The following ATP6V0E1 variants were observed in gnomAD, a reference collection of about 807,000 sequenced individuals.
ATP6V0E1 encodes ATPase H+ transporting V0 subunit e1.
A neutral mutation model predicts 11.6 loss-of-function variants in ATP6V0E1; 4 were observed. The ratio of observed to expected loss-of-function variants is 0.35; its 90% confidence interval spans 0.17 to 0.79. The LOEUF is 0.79. ATP6V0E1 is among the 30% of genes least tolerant of loss of function. The pLI is 0.54. For synonymous variants in ATP6V0E1, 36 were observed against 34.8 expected, an observed-to-expected ratio of 1.04 and a Z score of -0.13; for missense variants, 105 against 100.0, an observed-to-expected ratio of 1.05 and a Z score of -0.21.
At chr5:173,017,978 T>C (rs1756429523) in intron 2 of ATP6V0E1, among the ~76,000 whole-genome samples, 1 of 152,150 alleles carries the variant, frequency 6.6e-6, no homozygotes, top group Non-Finnish European at 1.5e-5. Context: ...CTTGTTTACC[T>C]TAACCCTGCC....
rs774700845 is a variant in ATP6V0E1, at chr5:173,016,138, G to C, written c.153-4100G>C. ...AGCCTCCCCGATTTATAGCCAGTTG[G>C]TCAGAAGCACAGGTAGAACAACCTG... On this transcript the variant is annotated intron_variant, in intron 2 of 3. Coordinates refer to ENST00000519374, the MANE Select transcript of ATP6V0E1 (RefSeq NM_003945.4). 2.9e-4 allele frequency among the ~76,000 whole-genome samples: 44 copies of C among 152,222 alleles called. 1 individual carries two copies. The highest frequency in any genetic ancestry group is 4.1e-4 in the Non-Finnish European group (28 of 68,044).
chr5:173,026,775 A>G (rs1437982629), intron 3 of ATP6V0E1, among the ~76,000 whole-genome samples: 2 of 152,154 alleles, frequency 1.3e-5, no homozygotes, highest in Non-Finnish European at 2.9e-5. Flanking sequence ...ATGATCTTTA[A>G]TGTAGCCTCC....
At chr5:173,009,529 A>G (rs1756284771) in intron 2 of ATP6V0E1, among the ~76,000 whole-genome samples, 1 of 147,942 alleles carries the variant, frequency 6.8e-6, no homozygotes, top group South Asian at 2.1e-4. Context: ...CAGTGGTGCA[A>G]TCTTGGCTCA....
intron 1 of ATP6V0E1, among the ~76,000 whole-genome samples, chr5:172,988,743 T>G (rs925803954): frequency 1.3e-5 from 2 of 152,040 alleles, no homozygotes; most frequent in Non-Finnish European, 2.9e-5. Flanking sequence ...GTCTGGAGTG[T>G]GGTGGCACAA....
At chr5:172,988,674 G>T (rs910490571) in intron 1 of ATP6V0E1, among the ~76,000 whole-genome samples, 1 of 152,134 alleles carries the variant, frequency 6.6e-6, no homozygotes, top group Admixed American at 6.6e-5. Context: ...AGGAGCTGAA[G>T]TGCTTCACAC....
chr5:173,030,688 C>CCATG, intron 3 of ATP6V0E1, among the ~76,000 whole-genome samples: 5 of 151,740 alleles, frequency 3.3e-5, no homozygotes, highest in African/African-American at 1.2e-4. Context: ...TGATCCGCCC[C>CCATG]GCCTCCCAGA....
At chr5:173,031,895 A>T (rs1756665099) in intron 3 of ATP6V0E1, among the ~76,000 whole-genome samples, 1 of 151,680 alleles carries the variant, frequency 6.6e-6, no homozygotes, top group Admixed American at 6.6e-5. Context: ...CTGTAATCCC[A>T]GCGCTTTGGG....
chr5:172,984,478 T>C (rs1340310810), intron 1 of ATP6V0E1, among the ~76,000 whole-genome samples: 1 of 152,122 alleles, frequency 6.6e-6, no homozygotes. Context: ...CAGGAGGCGG[T>C]TGGGGCCTGA....
intron 2 of ATP6V0E1, among the ~76,000 whole-genome samples, chr5:173,004,324 G>A (rs1366397615): frequency 3.9e-5 from 6 of 152,176 alleles, no homozygotes; most frequent in South Asian, 4.1e-4. Context: ...CACAAGGGGA[G>A]CAAAGATGTT....
chr5:173,031,767 G>A (rs1035522454), intron 3 of ATP6V0E1, among the ~76,000 whole-genome samples: 2 of 150,708 alleles, frequency 1.3e-5, no homozygotes, highest in Non-Finnish European at 2.9e-5. Context: ...TGCAGTGAGT[G>A]GAGATCGCGC....
Position 173,020,169 on chromosome 5 carries a change from C to T in ATP6V0E1, c.153-69C>T, listed in dbSNP as rs571616932. On this transcript the variant is annotated intron_variant, in intron 2 of 3. Coordinates refer to ENST00000519374, the MANE Select transcript of ATP6V0E1 (RefSeq NM_003945.4). ...GTTTTGCTAGTGTACTTTTTCCATG[C>T]TAATTGAAAATGGTCATGTTCCAAC... is the stretch of plus-strand genomic sequence containing the variant. 9 of 1,293,152 alleles carry T rather than the reference C, an allele frequency of 7.0e-6. No individual in the cohort carries two copies. The South Asian group carries it at 8.5e-5, about 12-fold the overall frequency. 80.1% of individuals were successfully genotyped at this position (1,293,152 alleles called of 1,614,324 possible).
At chr5:173,027,777 GC>G (rs2113614853) in intron 3 of ATP6V0E1, among the ~76,000 whole-genome samples, 1 of 151,894 alleles carries the variant, frequency 6.6e-6, no homozygotes, top group African/African-American at 2.4e-5. Flanking sequence ...TTTTTAACCT[GC>G]CTTTTTCATC....
chr5:173,017,532 C>CT (rs1479613461), intron 2 of ATP6V0E1, among the ~76,000 whole-genome samples: 1 of 95,360 alleles, frequency 1.0e-5, no homozygotes, highest in African/African-American at 4.5e-5. Flanking sequence ...GAGACTTCGT[C>CT]TAAAAAAAAA....
At chr5:172,988,659 C>T (rs773720382) in intron 1 of ATP6V0E1, among the ~76,000 whole-genome samples, 23 of 152,118 alleles carry the variant, frequency 1.5e-4, no homozygotes, top group Non-Finnish European at 2.1e-4. Flanking sequence ...TTTCAGGATA[C>T]GTGAAGGAGC....
intron 1 of ATP6V0E1, among the ~76,000 whole-genome samples, chr5:172,993,258 C>T (rs1263504097): frequency 1.3e-5 from 2 of 152,114 alleles, no homozygotes; most frequent in East Asian, 3.9e-4. Flanking sequence ...CCTGTAATCC[C>T]AGCACTTTGG....
intron 3 of ATP6V0E1, among the ~76,000 whole-genome samples, chr5:173,032,743 C>T (rs977675737): frequency 3.9e-5 from 6 of 152,154 alleles, no homozygotes; most frequent in African/African-American, 1.2e-4. Context: ...TCAGTGTGCT[C>T]TTCATGGAAA....
At chr5:173,017,840 C>CAAAAAAAAA (rs538210275) in intron 2 of ATP6V0E1, among the ~76,000 whole-genome samples, 1 of 66,556 alleles carries the variant, frequency 1.5e-5, no homozygotes, top group African/African-American at 4.6e-5. Context: ...GACTCCTTCT[C>CAAAAAAAAA]AAAAAAAAAA....
At chr5:173,030,993 G>C (rs1231229515) in intron 3 of ATP6V0E1, among the ~76,000 whole-genome samples, 1 of 151,786 alleles carries the variant, frequency 6.6e-6, no homozygotes, top group African/African-American at 2.4e-5. Context: ...CGCCCAGACT[G>C]GAGTGCAGTG....
At chr5:173,008,302 CTTTT>C (rs1219833765) in intron 2 of ATP6V0E1, among the ~76,000 whole-genome samples, 2 of 132,510 alleles carry the variant, frequency 1.5e-5, no homozygotes, top group Admixed American at 7.5e-5. Flanking sequence ...CTTTTCTTTT[CTTTT>C]TTTTTTTTTT....
Sources: gnomAD v4.1 joint callset for allele counts (sites outside exome capture counted in the v4.1 genomes callset) on GRCh38, gnomAD v4.1.1 for gene constraint, MANE v1.5 for transcripts, NCBI Gene and HGNC (gene_info 2026-07-23, HGNC 2026-07-21) for gene names.